STIM1: variants seen among roughly 807,000 people sequenced by gnomAD.
The protein encoded by STIM1 is stromal interaction molecule 1.
A neutral mutation model predicts 74.7 loss-of-function variants in STIM1; 25 were observed. That is an observed-to-expected ratio of 0.33 (90% CI 0.24 to 0.47). The LOEUF (loss-of-function observed/expected upper bound fraction) is 0.47. STIM1 is among the 20% of genes least tolerant of loss of function. The pLI is 1.00. For synonymous variants in STIM1, 328 were observed against 348.8 expected, an observed-to-expected ratio of 0.94 and a Z score of 0.66; for missense variants, 728 against 920.8, an observed-to-expected ratio of 0.79 and a Z score of 2.71.
At chr11:4,075,601 G>A (rs540754813) in intron 7 of STIM1, among the ~76,000 whole-genome samples, 63 of 152,206 alleles carry the variant, frequency 4.1e-4, no homozygotes, top group African/African-American at 1.4e-3. Flanking sequence ...TATTGTATGA[G>A]TATACTTTAA....
At chr11:3,928,721 G>C (rs939911454) in intron 1 of STIM1, among the ~76,000 whole-genome samples, 1 of 152,108 alleles carries the variant, frequency 6.6e-6, no homozygotes, top group Non-Finnish European at 1.5e-5. Context: ...GGCATCTCTT[G>C]AGTCTTCCTC....
At chr11:3,936,377 G>C (rs1307216291) in intron 1 of STIM1, among the ~76,000 whole-genome samples, 1 of 152,194 alleles carries the variant, frequency 6.6e-6, no homozygotes, top group Non-Finnish European at 1.5e-5. Flanking sequence ...TAAGCACTAG[G>C]AGGGGTGTTG....
At chr11:4,029,840 G>A (rs2094033302) in intron 3 of STIM1, among the ~76,000 whole-genome samples, 1 of 152,120 alleles carries the variant, frequency 6.6e-6, no homozygotes, top group Admixed American at 6.6e-5. Flanking sequence ...GAGTGTTTTG[G>A]TCTTTATTTG....
At chr11:3,946,022 G>T (rs1453637648) in intron 1 of STIM1, among the ~76,000 whole-genome samples, 1 of 152,038 alleles carries the variant, frequency 6.6e-6, no homozygotes, top group African/African-American at 2.4e-5. Context: ...GGAGGGATCC[G>T]CCCCCATGAC....
chr11:3,986,907 C>T (rs2093562760), intron 2 of STIM1, among the ~76,000 whole-genome samples: 1 of 152,194 alleles, frequency 6.6e-6, no homozygotes, highest in African/African-American at 2.4e-5. Context: ...ACCCAACATG[C>T]ATCAGGCCTT....
intron 1 of STIM1, among the ~76,000 whole-genome samples, chr11:3,906,997 C>T (rs962882357): frequency 5.9e-5 from 9 of 152,034 alleles, no homozygotes; most frequent in African/African-American, 2.2e-4. Flanking sequence ...AGCGTGCCTT[C>T]ACTTATCTGA....
intron 5 of STIM1, among the ~76,000 whole-genome samples, chr11:4,062,621 C>CAAAA (rs1179837264): frequency 2.0e-5 from 3 of 152,094 alleles, no homozygotes; most frequent in African/African-American, 4.8e-5. Context: ...GACCCTCTCT[C>CAAAA]AAAACAAACA....
intron 1 of STIM1, among the ~76,000 whole-genome samples, chr11:3,959,552 A>C (rs947167073): frequency 3.9e-5 from 6 of 152,158 alleles, no homozygotes; most frequent in Non-Finnish European, 7.3e-5. Flanking sequence ...CTTGGTTCTT[A>C]CCACTTGGAT....
chr11:3,947,813 T>C (rs570538826), intron 1 of STIM1: 2 of 152,308 alleles, frequency 1.3e-5, no homozygotes, highest in South Asian at 2.1e-4. Context: ...ATATGTGACC[T>C]TGGGGAAGTC....
At chr11:4,086,152 C>T (rs1393656529) in intron 11 of STIM1, 1 of 403,682 alleles carries the variant, frequency 2.5e-6, no homozygotes, top group African/African-American at 2.0e-5. Context: ...TTAGTGCTCT[C>T]CCGGACCTTA....
In STIM1 at chr11:4,086,557, G is replaced by A. The variant is rs1406481291; in HGVS notation, c.1634+14G>A. 4.3e-6 allele frequency: 7 copies of A among 1,613,838 alleles called. No individual in the cohort carries two copies. Among genetic ancestry groups the A allele is most frequent in the Admixed American group, 1.7e-5 (1 of 59,994 alleles). ...GGGATCTCAGAGGTTGGTAGAGGGC[G>A]AGGCTGGCCACTTCTTGACAAGCCG... is the stretch of plus-strand genomic sequence containing the variant. On this transcript the variant is annotated intron_variant, in intron 12 of 12. Coordinates refer to ENST00000526596, the MANE Select transcript of STIM1 (RefSeq NM_001382567.1).
intron 2 of STIM1, among the ~76,000 whole-genome samples, chr11:4,020,151 G>T (rs188853506): frequency 6.0e-4 from 92 of 152,214 alleles, no homozygotes; most frequent in Non-Finnish European, 9.3e-4. Flanking sequence ...ATGGCTGAAT[G>T]GTATGCTGTT....
At chr11:3,931,492 T>C (rs1293238217) in intron 1 of STIM1, among the ~76,000 whole-genome samples, 2 of 152,266 alleles carry the variant, frequency 1.3e-5, no homozygotes, top group East Asian at 3.9e-4. Context: ...TTGGGTCCCA[T>C]GTGATAGGAC....
intron 1 of STIM1, among the ~76,000 whole-genome samples, chr11:3,944,665 G>T (rs59674734): frequency 1.3e-5 from 2 of 152,148 alleles, no homozygotes; most frequent in African/African-American, 2.4e-5. Flanking sequence ...AATCACTGCC[G>T]CCATGTGGGC....
At chr11:3,925,361 C>T (rs530698798) in intron 1 of STIM1, among the ~76,000 whole-genome samples, 2 of 152,338 alleles carry the variant, frequency 1.3e-5, no homozygotes, top group African/African-American at 2.4e-5. Context: ...TGCCACTGCA[C>T]TCCAGCCTGG....
At chr11:3,959,330 G>A (rs1029684083) in intron 1 of STIM1, among the ~76,000 whole-genome samples, 1 of 152,226 alleles carries the variant, frequency 6.6e-6, no homozygotes, top group South Asian at 2.1e-4. Flanking sequence ...GAAAGTCGAA[G>A]CATTAGATGG....
Position 3,994,350 on chromosome 11 carries a change from T to C in STIM1, c.270+26668T>C, listed in dbSNP as rs80220656. 6.3e-3 allele frequency among the ~76,000 whole-genome samples: 954 copies of C among 152,350 alleles called. 16 individuals carry two copies. The highest frequency in any genetic ancestry group is 0.022 in the African/African-American group (903 of 41,584). The stretch of plus-strand genomic sequence containing the variant: ...GTCTATTTGTGGATCTCTTTGCATT[T>C]ATCCTATTTGGAGTTTATTAGATTT... On this transcript the variant is annotated intron_variant, in intron 2 of 12. Coordinates refer to ENST00000526596, the MANE Select transcript of STIM1 (RefSeq NM_001382567.1).
chr11:4,000,431 A>T (rs982870492), intron 2 of STIM1, among the ~76,000 whole-genome samples: 3 of 152,004 alleles, frequency 2.0e-5, no homozygotes, highest in African/African-American at 7.2e-5. Flanking sequence ...GGATCATGAA[A>T]ATCCGTGGTT....
At chr11:4,070,587 C>T (rs531206559) in intron 6 of STIM1, among the ~76,000 whole-genome samples, 1 of 152,280 alleles carries the variant, frequency 6.6e-6, no homozygotes, top group East Asian at 1.9e-4. Flanking sequence ...AACCTCAAAA[C>T]CTTCCTTCTT....
Sources: allele counts gnomAD v4.1 joint callset (sites outside exome capture counted in the v4.1 genomes callset), GRCh38; gene constraint gnomAD v4.1.1; transcripts MANE v1.5; gene names NCBI Gene and HGNC (gene_info 2026-07-23, HGNC 2026-07-21).